SMIM36: variants seen among roughly 807,000 people sequenced by gnomAD.
SMIM36 encodes the protein small integral membrane protein 36.
chr17:55,516,990 T>C, the SMIM36 span, among the ~76,000 whole-genome samples: 10 of 152,288 alleles, frequency 6.6e-5, no homozygotes, highest in East Asian at 1.5e-3. Context: ...GAAGAAAGAC[T>C]ATATAATCAC....
chr17:55,500,518 G>A (rs1392985529), intron 1 of SMIM36, among the ~76,000 whole-genome samples: 3 of 151,564 alleles, frequency 2.0e-5, no homozygotes, highest in Non-Finnish European at 2.9e-5. Flanking sequence ...GTTCCTTCTT[G>A]AAGAACAAAT....
At chr17:55,522,187 C>T in the SMIM36 span, among the ~76,000 whole-genome samples, 19 of 152,306 alleles carry the variant, frequency 1.2e-4, no homozygotes, top group Admixed American at 7.8e-4. Context: ...CACTCTAAGC[C>T]ACTACCATTT....
chr17:55,469,953 G>T (rs1909312304), intron 3 of SMIM36, among the ~76,000 whole-genome samples: 1 of 151,420 alleles, frequency 6.6e-6, no homozygotes, highest in African/African-American at 2.4e-5. Flanking sequence ...TTGTACTCCA[G>T]CCTGGGCGAC....
chr17:55,461,293 C>G (rs916779663), intron 4 of SMIM36, among the ~76,000 whole-genome samples: 7 of 152,182 alleles, frequency 4.6e-5, no homozygotes, highest in Admixed American at 2.6e-4. Context: ...CTTATACACT[C>G]TCAAAATATC....
intron 1 of SMIM36, among the ~76,000 whole-genome samples, chr17:55,490,637 C>T (rs1909686306): frequency 6.6e-6 from 1 of 152,174 alleles, no homozygotes; most frequent in South Asian, 2.1e-4. Context: ...GCTATTTGTT[C>T]TTTCCTACTT....
chr17:55,451,922 C>G (rs531035178), intron 4 of SMIM36, among the ~76,000 whole-genome samples: 7 of 151,896 alleles, frequency 4.6e-5, no homozygotes, highest in African/African-American at 1.4e-4. Context: ...CATAGTGAGA[C>G]CTTGTCGCCA....
intron 3 of SMIM36, among the ~76,000 whole-genome samples, chr17:55,467,545 G>A (rs1050078497): frequency 4.0e-5 from 6 of 151,782 alleles, no homozygotes; most frequent in Non-Finnish European, 7.4e-5. Context: ...TACAGGCGCC[G>A]GCCACCATGC....
chr17:55,511,425 A>G (rs1438489403), exon 1 of SMIM36: 2 of 397,206 alleles, frequency 5.0e-6, no homozygotes, highest in African/African-American at 2.1e-5. Flanking sequence ...GCATCGGAAT[A>G]GCTACATTGG....
chr17:55,494,541 G>A lies in SMIM36; in HGVS notation c.*175-14961C>T, dbSNP rs1909773345. ...CATAGACAAACTCCAAGGTGATATG[G>A]TGGAGTGGTGCAGAGCCGGTCTTCA... On this transcript the variant is annotated intron_variant, in intron 1 of 4. Transcript: ENST00000636752. 2.0e-5 allele frequency among the ~76,000 whole-genome samples: 3 copies of A among 152,132 alleles called. No homozygotes were observed. The South Asian group carries it at 6.2e-4, about 31-fold the overall frequency.
chr17:55,520,725 T>G, the SMIM36 span, among the ~76,000 whole-genome samples: 1 of 152,362 alleles, frequency 6.6e-6, no homozygotes, highest in African/African-American at 2.4e-5. Flanking sequence ...AATTTTTCAC[T>G]TAATATTTTC....
At chr17:55,498,385 C>G (rs750237417) in intron 1 of SMIM36, among the ~76,000 whole-genome samples, 2 of 152,118 alleles carry the variant, frequency 1.3e-5, no homozygotes, top group Admixed American at 6.6e-5. Context: ...GCTGTCTAAC[C>G]TTTCATGCCC....
chr17:55,498,316 C>A (rs1409740414), intron 1 of SMIM36, among the ~76,000 whole-genome samples: 1 of 152,086 alleles, frequency 6.6e-6, no homozygotes, highest in Admixed American at 6.6e-5. Context: ...TCTGGGGGGA[C>A]AAAATTCAAC....
At chr17:55,459,809 C>G (rs1909103462) in intron 4 of SMIM36, among the ~76,000 whole-genome samples, 1 of 151,954 alleles carries the variant, frequency 6.6e-6, no homozygotes, top group Non-Finnish European at 1.5e-5. Flanking sequence ...CCAGCTTTGG[C>G]AGTATGGCAA....
intron 1 of SMIM36, among the ~76,000 whole-genome samples, chr17:55,490,857 T>G (rs1909690027): frequency 6.6e-6 from 1 of 151,098 alleles, no homozygotes; most frequent in East Asian, 1.9e-4. Flanking sequence ...TAGTATAATG[T>G]GGGTAATGGG....
At chr17:55,452,076 G>C (rs2143220885) in intron 4 of SMIM36, among the ~76,000 whole-genome samples, 1 of 145,656 alleles carries the variant, frequency 6.9e-6, no homozygotes, top group East Asian at 2.0e-4. Context: ...CTCCAGCCTG[G>C]GTGACAGCAT....
chr17:55,490,919 T>G (rs1909692080), intron 1 of SMIM36, among the ~76,000 whole-genome samples: 1 of 151,688 alleles, frequency 6.6e-6, no homozygotes, highest in Admixed American at 6.6e-5. Flanking sequence ...CTGTATTTTC[T>G]CAAAGTTTCC....
the SMIM36 span, among the ~76,000 whole-genome samples, chr17:55,528,427 C>G: frequency 6.6e-6 from 1 of 152,096 alleles, no homozygotes; most frequent in East Asian, 1.9e-4. Context: ...TCATAGCTCA[C>G]TGCAGCTTCA....
At chr17:55,514,416 T>C (rs1305899867), upstream of SMIM36, among the ~76,000 whole-genome samples, 1 of 152,180 alleles carries the variant, frequency 6.6e-6, no homozygotes, top group African/African-American at 2.4e-5. Flanking sequence ...AGCTTGATAA[T>C]GTGATACTGA....
chr17:55,485,857 A>G (rs1909596111), intron 1 of SMIM36, among the ~76,000 whole-genome samples: 1 of 152,198 alleles, frequency 6.6e-6, no homozygotes, highest in Non-Finnish European at 1.5e-5. Context: ...AAGTGAGTTT[A>G]AAGCTAGAGT....
Sources: gnomAD v4.1 joint callset for allele counts (sites outside exome capture counted in the v4.1 genomes callset) on GRCh38, gnomAD v4.1.1 for gene constraint, MANE v1.5 for transcripts, NCBI Gene and HGNC (gene_info 2026-07-23, HGNC 2026-07-21) for gene names.